The following LRMDA variants were observed in gnomAD, a reference collection of about 807,000 sequenced individuals.
LRMDA encodes the protein leucine-rich melanocyte differentiation-associated protein.
Under a neutral mutation model 29.8 loss-of-function variants are expected in LRMDA, and 18 were observed. That is an observed-to-expected ratio of 0.60 (90% CI 0.42 to 0.90). The LOEUF (loss-of-function observed/expected upper bound fraction) is 0.90, where lower values mean the gene tolerates loss of function less well. LRMDA is among the 40% of genes least tolerant of loss of function. The pLI is 0.00. For missense variants in LRMDA, 273 were observed against 273.9 expected (o/e 1.00, Z 0.02); for synonymous variants, 125 against 109.4 (o/e 1.14, Z -0.89).
At chr10:75,796,110 G>A (rs1239371786) in intron 2 of LRMDA, among the ~76,000 whole-genome samples, 1 of 152,018 alleles carries the variant, frequency 6.6e-6, no homozygotes, top group African/African-American at 2.4e-5. Context: ...TTCATCAGGA[G>A]GTTTTATGTA....
At chr10:76,389,422 C>A (rs1841697588) in intron 6 of LRMDA, among the ~76,000 whole-genome samples, 1 of 152,158 alleles carries the variant, frequency 6.6e-6, no homozygotes, top group African/African-American at 2.4e-5. Context: ...TGTTTTCCTC[C>A]TAGCAATTAG....
At chr10:76,023,625 A>G (rs777556577) in intron 2 of LRMDA, among the ~76,000 whole-genome samples, 8 of 152,236 alleles carry the variant, frequency 5.3e-5, no homozygotes, top group Non-Finnish European at 1.2e-4. Context: ...TTTACAAAAC[A>G]GTACAGTGAG....
At chr10:75,585,796 T>C (rs1371308760) in intron 2 of LRMDA, among the ~76,000 whole-genome samples, 1 of 152,246 alleles carries the variant, frequency 6.6e-6, no homozygotes, top group Admixed American at 6.5e-5. Context: ...CCTTCTTAAC[T>C]GAAACTTTAT....
intron 2 of LRMDA, among the ~76,000 whole-genome samples, chr10:75,699,890 A>C (rs972188190): frequency 2.1e-4 from 32 of 152,344 alleles, no homozygotes; most frequent in Non-Finnish European, 7.3e-5. Flanking sequence ...AATTTGGTAC[A>C]GACAGAAGAG....
intron 2 of LRMDA, among the ~76,000 whole-genome samples, chr10:75,652,490 T>G (rs570491958): frequency 6.6e-6 from 1 of 152,368 alleles, no homozygotes; most frequent in East Asian, 1.9e-4. Context: ...CAGAACTATT[T>G]TGTCTGATAA....
chr10:75,545,774 G>C (rs893245527), intron 2 of LRMDA, among the ~76,000 whole-genome samples: 1 of 152,190 alleles, frequency 6.6e-6, no homozygotes, highest in African/African-American at 2.4e-5. Context: ...GCTTGTTTCA[G>C]CTTACAGTAT....
intron 5 of LRMDA, among the ~76,000 whole-genome samples, chr10:76,144,606 G>T (rs575668829): frequency 6.6e-6 from 1 of 152,164 alleles, no homozygotes; most frequent in African/African-American, 2.4e-5. Context: ...AGACAGTGGG[G>T]TTTTCTAGAT....
At chr10:76,243,729 A>G (rs1201074360) in intron 5 of LRMDA, among the ~76,000 whole-genome samples, 1 of 152,206 alleles carries the variant, frequency 6.6e-6, no homozygotes, top group Non-Finnish European at 1.5e-5. Flanking sequence ...GCAGGAAATA[A>G]TCTGACAACG....
At chr10:76,452,106 C>T (rs1842413443) in intron 6 of LRMDA, among the ~76,000 whole-genome samples, 1 of 152,178 alleles carries the variant, frequency 6.6e-6, no homozygotes, top group Non-Finnish European at 1.5e-5. Flanking sequence ...TCAGATGGCT[C>T]ATCAGTGTGG....
intron 2 of LRMDA, among the ~76,000 whole-genome samples, chr10:75,597,968 G>A (rs1000821008): frequency 3.9e-5 from 6 of 152,118 alleles, no homozygotes; most frequent in Admixed American, 6.5e-5. Context: ...CAAGGGGGCA[G>A]CCATGGAGAG....
intron 2 of LRMDA, among the ~76,000 whole-genome samples, chr10:75,515,091 C>A (rs1172266024): frequency 2.6e-5 from 4 of 151,956 alleles, no homozygotes; most frequent in African/African-American, 7.3e-5. Flanking sequence ...TGTGGATGAA[C>A]CTTAAACATA....
chr10:76,186,070 A>ATTTTTTTT (rs5786220), intron 5 of LRMDA, among the ~76,000 whole-genome samples: 1 of 151,128 alleles, frequency 6.6e-6, no homozygotes, highest in Admixed American at 6.6e-5. Flanking sequence ...AGCTGGTGGG[A>ATTTTTTTT]TTTTTTTTTT....
At chr10:76,294,866 T>G (rs186410471) in intron 5 of LRMDA, among the ~76,000 whole-genome samples, 365 of 152,310 alleles carry the variant, frequency 2.4e-3, no homozygotes, top group South Asian at 3.9e-3. Context: ...TATTGCCAAC[T>G]TGGATGTGAT....
intron 5 of LRMDA, among the ~76,000 whole-genome samples, chr10:76,141,037 C>T (rs570750329): frequency 1.3e-5 from 2 of 152,192 alleles, no homozygotes; most frequent in South Asian, 4.1e-4. Flanking sequence ...TAAGCTTGAA[C>T]CATCTGGTCC....
At chr10:76,504,873 T>C (rs1281117082) in intron 6 of LRMDA, among the ~76,000 whole-genome samples, 1 of 152,034 alleles carries the variant, frequency 6.6e-6, no homozygotes, top group Non-Finnish European at 1.5e-5. Context: ...TAGAATTGAT[T>C]GTGTAGTTTC....
At position 76,461,053 on chromosome 10, in the gene LRMDA, A is replaced by T. The variant is rs547909944; in HGVS notation, c.602-96156A>T. Among the ~76,000 whole-genome samples the T allele has an allele frequency of 1.2e-4, 18 of 152,294 alleles. 1 individual carries two copies. Among genetic ancestry groups the T allele is most frequent in the African/African-American group, 4.3e-4 (18 of 41,562 alleles). On this transcript the variant is annotated intron_variant, in intron 6 of 6. Coordinates refer to ENST00000611255, the MANE Select transcript of LRMDA (RefSeq NM_001305581.2). ...TTCACAGACTTCTGGAAATTAAACGAGTTTGTGCTTAAAACACTTCTAAGG... is the reference window on the plus strand; with the variant it reads ...TTCACAGACTTCTGGAAATTAAACGTGTTTGTGCTTAAAACACTTCTAAGG...
chr10:75,856,773 A>G (rs907726656), intron 2 of LRMDA, among the ~76,000 whole-genome samples: 3 of 152,228 alleles, frequency 2.0e-5, no homozygotes, highest in Non-Finnish European at 4.4e-5. Flanking sequence ...AACTGGCACA[A>G]GACAGGGATG....
chr10:75,576,076 G>A lies in LRMDA; in HGVS notation c.131+137582G>A, dbSNP rs930305569. Among the ~76,000 whole-genome samples, 11 of 152,034 alleles carry A rather than the reference G, an allele frequency of 7.2e-5. No homozygotes were observed. The East Asian group carries it at 1.4e-3, about 19-fold the overall frequency. ...CAGAGAGCCAAGTGTCTGGCTTGGC[G>A]GGTCCCACCCCCATGAAAGCCCAGC... On this transcript the variant is annotated intron_variant, in intron 2 of 6. Transcript: ENST00000611255.
chr10:76,168,442 G>T (rs976009418), intron 5 of LRMDA, among the ~76,000 whole-genome samples: 27 of 152,160 alleles, frequency 1.8e-4, no homozygotes, highest in Non-Finnish European at 2.2e-4. Flanking sequence ...TGTTTCCAGA[G>T]CTGGGCAATG....
Sources: allele counts gnomAD v4.1 joint callset (sites outside exome capture counted in the v4.1 genomes callset), GRCh38; gene constraint gnomAD v4.1.1; transcripts MANE v1.5; gene names NCBI Gene and HGNC (gene_info 2026-07-23, HGNC 2026-07-21).